Variants in XPO7 observed in about 807,000 individuals in gnomAD.
XPO7 encodes the protein exportin 7.
In XPO7, 21 loss-of-function variants were observed where a neutral mutation model predicts 144.3. That is an observed-to-expected ratio of 0.15 (90% CI 0.10 to 0.21). The LOEUF is 0.21. XPO7 is among the 10% of genes least tolerant of loss of function. XPO7 has a pLI of 1.00. For missense variants in XPO7, 808 were observed against 1,325.8 expected, an observed-to-expected ratio of 0.61 and a Z score of 6.06; for synonymous variants, 580 against 499.6, an observed-to-expected ratio of 1.16 and a Z score of -2.15.
chr8:21,926,013 A>G (rs897693713), intron 1 of XPO7, among the ~76,000 whole-genome samples: 1 of 152,190 alleles, frequency 6.6e-6, no homozygotes, highest in East Asian at 1.9e-4. Flanking sequence ...TTAGTTGGAC[A>G]ATAAGCAGTG....
chr8:21,992,082 G>A (rs1049211420), intron 19 of XPO7, 108 bp downstream of exon 19: 3 of 734,316 alleles, frequency 4.1e-6, no homozygotes, highest in South Asian at 2.2e-5. Context: ...TTTTTTTAAT[G>A]TCTTGGACTT....
chr8:21,975,463 C>G (rs73672334), intron 6 of XPO7, among the ~76,000 whole-genome samples: 1 of 152,290 alleles, frequency 6.6e-6, no homozygotes, highest in African/African-American at 2.4e-5. Flanking sequence ...GATGCTTTAT[C>G]CCTAAGAAAG....
chr8:21,974,621 CT>C, intron 5 of XPO7, 48 bp from the exon 6 acceptor site: 3 of 1,378,158 alleles, frequency 2.2e-6, no homozygotes, highest in South Asian at 1.4e-5. Flanking sequence ...ATGAAAAATT[CT>C]TTTTTTGCAA....
intron 26 of XPO7, 134 bp from the exon 27 acceptor site, chr8:22,003,769 T>C (rs887198741): frequency 3.0e-6 from 4 of 1,351,026 alleles, no homozygotes; most frequent in African/African-American, 1.5e-5. Context: ...CCTGAATTTC[T>C]TTTTTAAGGG....
chr8:21,960,577 G>A (rs1811693087), intron 1 of XPO7, among the ~76,000 whole-genome samples: 1 of 152,224 alleles, frequency 6.6e-6, no homozygotes. Context: ...GTATTTTGAA[G>A]TAAATGTAGA....
intron 1 of XPO7, among the ~76,000 whole-genome samples, chr8:21,943,242 C>T (rs1025756898): frequency 6.6e-6 from 1 of 152,114 alleles, no homozygotes; most frequent in Non-Finnish European, 1.5e-5. Flanking sequence ...ACGAAAATGA[C>T]TTCTTGGATT....
At chr8:21,940,129 A>G (rs1810944251) in intron 1 of XPO7, among the ~76,000 whole-genome samples, 1 of 152,172 alleles carries the variant, frequency 6.6e-6, no homozygotes, top group South Asian at 2.1e-4. Flanking sequence ...AGATTGATCA[A>G]ATATGTTTGA....
rs1284308234 is a variant in XPO7 at position 21,984,791 on chromosome 8, C to G, written c.1423C>G (p.Leu475Val). Reference protein sequence around the residue: ...FDQSAQSYQELLQSASASPMD... With the variant: ...FDQSAQSYQEVLQSASASPMD... ...CCAGTCGGCCCAGTCGTACCAGGAG[C>G]TGCTACAGAGCGCCAGCGCAAGCCC... The change falls in exon 12 of 28, where the codon CTG becomes GTG. Residue 475 changes from leucine to valine, a missense_variant. Physicochemically the swap from Leu to Val is conservative, Grantham distance 32. Around this residue, in one of 5 missense-constraint regions of XPO7, gnomAD observed 416 missense variants for 612.5 expected, o/e 0.68. Transcript: ENST00000252512. 1.2e-6 allele frequency: 2 copies of G among 1,613,990 alleles called. No individual in the cohort carries two copies. Among genetic ancestry groups the G allele is most frequent in the South Asian group, 2.2e-5 (2 of 91,090 alleles).
chr8:21,958,171 AT>A (rs1811601896), intron 1 of XPO7, among the ~76,000 whole-genome samples: 1 of 152,216 alleles, frequency 6.6e-6, no homozygotes, highest in African/African-American at 2.4e-5. Context: ...ATGGAGAAGT[AT>A]GTACTGAATC....
In XPO7 at chr8:22,005,057, A is replaced by G. The variant is rs1312549261; in HGVS notation, c.3233A>G (p.Tyr1078Cys). 1 of 1,612,904 alleles carries G rather than the reference A, an allele frequency of 6.2e-7. No homozygotes were observed. Among genetic ancestry groups the G allele is most frequent in the South Asian group, 1.1e-5 (1 of 91,004 alleles). ...AACGACTCAATGAAGAATTCCACTT[A>G]TGGCGTGAATAGCAATGACATGATG... Reference protein sequence around the residue: ...EVNDSMKNSTYGVNSNDMMS With the variant: ...EVNDSMKNSTCGVNSNDMMS The change falls in exon 28 of 28, where the codon TAT becomes TGT. Residue 1078 changes from tyrosine (Y) to cysteine (C), a missense_variant. Coordinates refer to ENST00000252512, the MANE Select transcript of XPO7 (RefSeq NM_015024.5).
intron 1 of XPO7, among the ~76,000 whole-genome samples, chr8:21,933,059 T>G (rs546122486): frequency 4.6e-5 from 7 of 152,274 alleles, no homozygotes; most frequent in African/African-American, 1.7e-4. Context: ...TTCTAAGGTT[T>G]TAGAACATGA....
chr8:21,961,198 CAG>C (rs1811714762), intron 1 of XPO7, among the ~76,000 whole-genome samples: 1 of 150,212 alleles, frequency 6.7e-6, no homozygotes, highest in Non-Finnish European at 1.5e-5. Flanking sequence ...AGCTGGGTCA[CAG>C]GGTGTTTTTT....
chr8:21,990,664 C>G, intron 17 of XPO7, 147 bp from the exon 18 acceptor site: 1 of 819,796 alleles, frequency 1.2e-6, no homozygotes, highest in Non-Finnish European at 1.9e-6. Context: ...CGGTAGCCTG[C>G]CTTCAAAAAA....
chr8:21,930,255 A>G (rs187159740), intron 1 of XPO7, among the ~76,000 whole-genome samples: 2 of 152,334 alleles, frequency 1.3e-5, no homozygotes, highest in African/African-American at 4.8e-5. Context: ...TGAGATACAC[A>G]CATCAGTAAA....
intron 7 of XPO7, 28 bp downstream of exon 7, chr8:21,976,549 C>A: frequency 6.3e-7 from 1 of 1,597,554 alleles, no homozygotes; most frequent in Admixed American, 1.7e-5. Flanking sequence ...ACCTCAAAGG[C>A]TGTCTGTCAC....
At chr8:21,939,043 A>G (rs756322446) in intron 1 of XPO7, among the ~76,000 whole-genome samples, 1 of 152,142 alleles carries the variant, frequency 6.6e-6, no homozygotes, top group East Asian at 1.9e-4. Flanking sequence ...CACTGGATAC[A>G]TGAAATATAC....
At chr8:21,971,291 C>G (rs1303238983) in intron 4 of XPO7, among the ~76,000 whole-genome samples, 1 of 152,170 alleles carries the variant, frequency 6.6e-6, no homozygotes, top group Non-Finnish European at 1.5e-5. Flanking sequence ...CGCCATCATT[C>G]AGTGACTCAT....
At chr8:21,943,289 T>C (rs17500386) in intron 1 of XPO7, among the ~76,000 whole-genome samples, 2,161 of 152,336 alleles carry the variant, frequency 0.014, 37 homozygotes, top group South Asian at 0.031. Flanking sequence ...TTTCCCTGGC[T>C]TGTCAAGAAT....
chr8:21,950,873 G>A (rs1283690507), intron 1 of XPO7, among the ~76,000 whole-genome samples: 3 of 151,950 alleles, frequency 2.0e-5, no homozygotes, highest in African/African-American at 7.3e-5. Context: ...TATAATCCCA[G>A]CACTTTGGGA....
Sources: gnomAD v4.1 joint callset for allele counts (sites outside exome capture counted in the v4.1 genomes callset) on GRCh38, gnomAD v4.1.1 for gene constraint, gnomAD v4.1.1 regional missense constraint, MANE v1.5 for transcripts, NCBI Gene and HGNC (gene_info 2026-07-23, HGNC 2026-07-21) for gene names.